NCK2: variants seen among roughly 807,000 people sequenced by gnomAD.
The protein encoded by NCK2 is cytoplasmic protein NCK2.
NCK2 carries 16 observed loss-of-function variants against 33.9 expected under a neutral mutation model. The ratio of observed to expected loss-of-function variants is 0.47; its 90% CI spans 0.32 to 0.72. The LOEUF is 0.72. Among genes scored for constraint, NCK2 ranks in the 30% least tolerant of loss-of-function variants. The pLI is 0.03. For synonymous variants in NCK2, 273 were observed against 239.9 expected (o/e 1.14, Z -1.27); for missense variants, 418 against 537.3 (o/e 0.78, Z 2.19).
At chr2:105,749,267 A>G (rs1689379160) in intron 1 of NCK2, among the ~76,000 whole-genome samples, 2 of 152,188 alleles carry the variant, frequency 1.3e-5, no homozygotes, top group African/African-American at 4.8e-5. Flanking sequence ...AATGTTTTTA[A>G]GAGAAGAAGC....
At chr2:105,862,883 G>T (rs905496649) in intron 3 of NCK2, among the ~76,000 whole-genome samples, 5 of 152,222 alleles carry the variant, frequency 3.3e-5, no homozygotes, top group African/African-American at 9.6e-5. Context: ...CGTAAAGGTA[G>T]CTGGGAGTCT....
intron 1 of NCK2, among the ~76,000 whole-genome samples, chr2:105,749,084 C>A (rs1457769617): frequency 1.3e-5 from 2 of 152,174 alleles, no homozygotes; most frequent in Non-Finnish European, 2.9e-5. Context: ...AACAAAAAAA[C>A]AAAGCCAACC....
chr2:105,806,255 T>TG (rs1573613790), intron 1 of NCK2, among the ~76,000 whole-genome samples: 1 of 143,704 alleles, frequency 7.0e-6, no homozygotes, highest in East Asian at 2.0e-4. Flanking sequence ...TTTTTTTTTT[T>TG]GAGACAGAGT....
At chr2:105,825,065 A>T (rs1193208731) in intron 2 of NCK2, among the ~76,000 whole-genome samples, 1 of 152,066 alleles carries the variant, frequency 6.6e-6, no homozygotes, top group African/African-American at 2.4e-5. Context: ...GTGCTTGGGG[A>T]CGGAGTGGAG....
At chr2:105,874,109 A>G (rs927427159) in intron 3 of NCK2, among the ~76,000 whole-genome samples, 2 of 152,324 alleles carry the variant, frequency 1.3e-5, no homozygotes, top group East Asian at 1.9e-4. Context: ...CATTAATCTC[A>G]TGTGGCCGCC....
chr2:105,793,670 T>C (rs1690972049), intron 1 of NCK2, among the ~76,000 whole-genome samples: 1 of 152,262 alleles, frequency 6.6e-6, no homozygotes, highest in African/African-American at 2.4e-5. Context: ...TGTGTATTTT[T>C]ACCCACTGCA....
At chr2:105,752,420 A>C (rs1203403571) in intron 1 of NCK2, among the ~76,000 whole-genome samples, 1 of 152,232 alleles carries the variant, frequency 6.6e-6, no homozygotes, top group Non-Finnish European at 1.5e-5. Context: ...TACCTTGTTC[A>C]TTTTACAAAT....
At chr2:105,770,007 G>A (rs1228958865) in intron 1 of NCK2, among the ~76,000 whole-genome samples, 1 of 151,944 alleles carries the variant, frequency 6.6e-6, no homozygotes, top group Admixed American at 6.6e-5. Flanking sequence ...TTCCTTCACT[G>A]GAAAATGGGT....
intron 1 of NCK2, among the ~76,000 whole-genome samples, chr2:105,775,759 G>A (rs969802690): frequency 1.5e-4 from 23 of 152,104 alleles, no homozygotes; most frequent in African/African-American, 4.8e-4. Context: ...CACACCTCCC[G>A]GTGTGGTGAG....
chr2:105,890,435 G>A (rs1678921614), intron 4 of NCK2, among the ~76,000 whole-genome samples: 1 of 152,190 alleles, frequency 6.6e-6, no homozygotes, highest in Non-Finnish European at 1.5e-5. Context: ...AACTCTATAA[G>A]TGAGACTGCC....
At chr2:105,882,885 G>T (rs2104666339) in intron 4 of NCK2, among the ~76,000 whole-genome samples, 1 of 152,276 alleles carries the variant, frequency 6.6e-6, no homozygotes, top group South Asian at 2.1e-4. Flanking sequence ...GTTCTAGGAG[G>T]CTTCAATTTC....
intron 3 of NCK2, among the ~76,000 whole-genome samples, chr2:105,867,156 C>A (rs534183870): frequency 6.6e-6 from 1 of 152,274 alleles, no homozygotes; most frequent in African/African-American, 2.4e-5. Flanking sequence ...TATCTTAATT[C>A]TATTTTAAAT....
chr2:105,858,840 A>T (rs6740208), intron 3 of NCK2, among the ~76,000 whole-genome samples: 141,915 of 152,326 alleles, frequency 0.93, 66,181 homozygotes, highest in East Asian at 0.98. Flanking sequence ...TAAAATTGAT[A>T]AAAGCAACCT....
chr2:105,873,176 T>C lies in NCK2; in HGVS notation c.227-8152T>C, dbSNP rs549424542. Among the ~76,000 whole-genome samples, 4 of 152,374 alleles carry C rather than the reference T, an allele frequency of 2.6e-5. No individual in the cohort carries two copies. The East Asian group carries it at 5.8e-4, about 22-fold the overall frequency. On this transcript the variant is annotated intron_variant, in intron 3 of 4. Coordinates refer to ENST00000233154, the MANE Select transcript of NCK2 (RefSeq NM_003581.5). ...AGCTGATGGCATTTGTGCGTGAGTC[T>C]CTTCCAACTTAAATTTGACCTTGTC...
chr2:105,813,154 G>A (rs1321948153), intron 1 of NCK2, among the ~76,000 whole-genome samples: 1 of 152,176 alleles, frequency 6.6e-6, no homozygotes, highest in East Asian at 1.9e-4. Context: ...ATGATAAGAT[G>A]TATCTCCCAG....
intron 2 of NCK2, chr2:105,846,885 T>A (rs1676875195): frequency 6.6e-6 from 1 of 152,196 alleles, no homozygotes; most frequent in Non-Finnish European, 1.5e-5. Flanking sequence ...GTTCATAGCA[T>A]TATTGACAAC....
intron 4 of NCK2, among the ~76,000 whole-genome samples, chr2:105,885,964 T>C (rs1678706358): frequency 6.6e-6 from 1 of 152,200 alleles, no homozygotes; most frequent in African/African-American, 2.4e-5. Flanking sequence ...CTGTATTTGC[T>C]GTGTTTCTGC....
chr2:105,862,160 T>G (rs1453781954), intron 3 of NCK2, among the ~76,000 whole-genome samples: 4 of 152,156 alleles, frequency 2.6e-5, no homozygotes, highest in Non-Finnish European at 5.9e-5. Flanking sequence ...GCTTAACACT[T>G]ACAGGCATTT....
At chr2:105,828,373 A>T (rs1386946061) in intron 2 of NCK2, among the ~76,000 whole-genome samples, 2 of 152,206 alleles carry the variant, frequency 1.3e-5, no homozygotes, top group Non-Finnish European at 2.9e-5. Context: ...TACAATTATA[A>T]TTCACAATAA....
Sources: allele counts gnomAD v4.1 joint callset (sites outside exome capture counted in the v4.1 genomes callset), GRCh38; gene constraint gnomAD v4.1.1; transcripts MANE v1.5; gene names NCBI Gene and HGNC (gene_info 2026-07-23, HGNC 2026-07-21).